Variants in STARD8 observed in about 807,000 individuals in gnomAD.
The protein encoded by STARD8 is stAR-related lipid transfer protein 8.
In STARD8, 25 loss-of-function variants were observed where a neutral mutation model predicts 69.4. The observed-to-expected ratio is 0.36, with a 90% CI of 0.26 to 0.50. STARD8 has a LOEUF of 0.50. STARD8 is among the 20% of genes least tolerant of loss of function. The pLI, the probability that STARD8 is intolerant of heterozygous loss-of-function variation, is 0.96. For synonymous variants in STARD8, 389 were observed against 374.6 expected, an observed-to-expected ratio of 1.04 and a Z score of -0.45; for missense variants, 921 against 932.5, an observed-to-expected ratio of 0.99 and a Z score of 0.16.
At position 68,724,470 on chromosome X, in the gene STARD8, A is replaced by G; in HGVS notation, c.*48A>G. The G allele has an allele frequency of 1.8e-6, 2 of 1,084,388 alleles. No individual in the cohort carries two copies. Among genetic ancestry groups the G allele is most frequent in the Non-Finnish European group, 2.5e-6 (2 of 791,525 alleles). 89.4% of individuals were successfully genotyped at this position (1,084,388 alleles called of 1,213,427 possible). A position where few individuals can be genotyped will look rare whatever the true frequency, so the allele number is the denominator to read the frequency against. On this transcript the variant is annotated 3_prime_UTR_variant, in exon 15 of 15. Coordinates refer to ENST00000374599, the MANE Select transcript of STARD8 (RefSeq NM_001142503.3). ...GCACCACCCAGGCCCCCTGGGCACC[A>G]AGGGAGCGAGGGGGAATAAGAGCAG...
At chrX:68,688,655 A>G (rs34192984) in intron 2 of STARD8, among the ~76,000 whole-genome samples, 1,666 of 111,856 alleles carry the variant, frequency 0.015, 10 homozygotes, top group African/African-American at 0.051. Flanking sequence ...AGGACTCTGG[A>G]TACCCATAGC....
At chrX:68,688,873 T>G (rs2079854153) in intron 2 of STARD8, among the ~76,000 whole-genome samples, 1 of 105,079 alleles carries the variant, frequency 9.5e-6, no homozygotes, top group Non-Finnish European at 2.0e-5. Context: ...GCCCTGTGCA[T>G]GCTGGACTTG....
intron 2 of STARD8, among the ~76,000 whole-genome samples, chrX:68,703,259 TA>T (rs1203467928): frequency 8.9e-6 from 1 of 111,775 alleles, no homozygotes; most frequent in East Asian, 2.8e-4. Flanking sequence ...GGCCTCATTT[TA>T]AAAAAAGAAA....
intron 2 of STARD8, among the ~76,000 whole-genome samples, chrX:68,684,127 C>T (rs149280482): frequency 7.2e-4 from 81 of 112,749 alleles, no homozygotes; most frequent in African/African-American, 2.6e-3. Flanking sequence ...TCTCACAGCA[C>T]CATTGTCAGC....
chrX:68,647,996 G>A, intron 1 of STARD8, 69 bp downstream of exon 1: 1 of 1,127,887 alleles, frequency 8.9e-7, no homozygotes, highest in Non-Finnish European at 1.2e-6. Flanking sequence ...GGACCACTGC[G>A]CACCAGCTGG....
intron 2 of STARD8, among the ~76,000 whole-genome samples, chrX:68,665,896 A>G (rs2079680415): frequency 8.9e-6 from 1 of 112,038 alleles, no homozygotes; most frequent in Non-Finnish European, 1.9e-5. Flanking sequence ...AGGAGAGAAA[A>G]CAGGTAAGTG....
rs140071140 is a variant in STARD8 at position 68,717,528 on chromosome X, G to A, written c.614G>A (p.Arg205His). The part of the protein sequence containing the change: ...GPQDKAKKRH[R>H]NRSFLKHLES... ...CAGGACAAAGCCAAGAAGCGCCATC[G>A]TAACCGTAGCTTCCTCAAGCACCTT... is the stretch of plus-strand genomic sequence containing the variant. Residue 205 changes from arginine to histidine, a missense_variant, in exon 6 of 15, where the codon CGT becomes CAT. Coordinates refer to ENST00000374599, the MANE Select transcript of STARD8 (RefSeq NM_001142503.3). 2.9e-4 allele frequency: 354 copies of A among 1,209,313 alleles called. 1 individual carries two copies. The highest frequency in any genetic ancestry group is 3.5e-4 in the South Asian group (20 of 56,760).
chrX:68,665,440 T>C, intron 1 of STARD8, 59 bp from the exon 2 acceptor site: 3 of 1,160,219 alleles, frequency 2.6e-6, no homozygotes, highest in Non-Finnish European at 3.5e-6. Context: ...TTAAGATCGC[T>C]TTCAGTTCAG....
rs183054865 is a variant in STARD8, at chrX:68,650,758, G to A, written c.45+2831G>A. On this transcript the variant is annotated intron_variant, in intron 1 of 14. Transcript: ENST00000374599. ...TGATCGCACCACTGCACTCCAACCT[G>A]GCCATCAGACTAAGGCTATGTCTCA... Among the ~76,000 whole-genome samples, 349 of 109,377 alleles carry A rather than the reference G, an allele frequency of 3.2e-3. 1 individual carries two copies. The highest frequency in any genetic ancestry group is 5.4e-3 in the Non-Finnish European group (284 of 52,634). 95.0% of individuals were successfully genotyped at this position (109,377 alleles called of 115,157 possible).
At chrX:68,719,550 G>A in intron 7 of STARD8, 152 bp downstream of exon 7, 1 of 588,417 alleles carries the variant, frequency 1.7e-6, no homozygotes, top group Non-Finnish European at 2.4e-6. Flanking sequence ...GGCTTGGTGA[G>A]GCTGGGTATG....
chrX:68,670,605 T>C (rs1236896544), intron 2 of STARD8, among the ~76,000 whole-genome samples: 1 of 110,855 alleles, frequency 9.0e-6, no homozygotes, highest in Non-Finnish European at 1.9e-5. Flanking sequence ...TGTAGGCCAC[T>C]CCAAATCAGG....
rs143222275 is a variant in STARD8, at chrX:68,667,780, G to A, written c.79+2248G>A. Among the ~76,000 whole-genome samples, 369 of 111,137 alleles carry A rather than the reference G, an allele frequency of 3.3e-3. 4 individuals carry two copies. Among genetic ancestry groups the A allele is most frequent in the African/African-American group, 0.012 (359 of 30,516 alleles). On this transcript the variant is annotated intron_variant, in intron 2 of 14. Coordinates refer to ENST00000374599, the MANE Select transcript of STARD8 (RefSeq NM_001142503.3). ...GGAATCTCGGGGCAGGAAATATGGG[G>A]TGGTAGAATCAGCATTCTTTTGGGA...
chrX:68,664,661 C>T (rs997103804), intron 1 of STARD8, among the ~76,000 whole-genome samples: 5 of 111,878 alleles, frequency 4.5e-5, no homozygotes, highest in African/African-American at 1.6e-4. Flanking sequence ...CACTCTCTAC[C>T]TCATCCTGTC....
chrX:68,702,728 C>G (rs1211821323), intron 2 of STARD8, among the ~76,000 whole-genome samples: 1 of 110,529 alleles, frequency 9.0e-6, no homozygotes, highest in Non-Finnish European at 1.9e-5. Context: ...GTTTCCTCCT[C>G]TGTAAAATAG....
At chrX:68,676,655 A>G (rs1465662800) in intron 2 of STARD8, among the ~76,000 whole-genome samples, 1 of 112,075 alleles carries the variant, frequency 8.9e-6, no homozygotes, top group Admixed American at 9.5e-5. Flanking sequence ...AGCATGAATC[A>G]TGCCTTGTGT....
intron 2 of STARD8, among the ~76,000 whole-genome samples, chrX:68,707,034 T>A (rs2080012519): frequency 8.9e-6 from 1 of 112,327 alleles, no homozygotes; most frequent in South Asian, 3.7e-4. Context: ...GGAACTGGGG[T>A]TGTCACATAG....
At chrX:68,665,750 A>G (rs184943403) in intron 2 of STARD8, among the ~76,000 whole-genome samples, 1 of 111,812 alleles carries the variant, frequency 8.9e-6, no homozygotes, top group Non-Finnish European at 1.9e-5. Flanking sequence ...TCTCAGCCGG[A>G]GGTTTTGCTC....
chrX:68,679,706 C>A (rs1391609658), intron 2 of STARD8, among the ~76,000 whole-genome samples: 2 of 112,248 alleles, frequency 1.8e-5, no homozygotes, highest in Non-Finnish European at 3.8e-5. Flanking sequence ...CATGGGGCCT[C>A]TCATTGCACA....
intron 2 of STARD8, among the ~76,000 whole-genome samples, chrX:68,681,331 T>C (rs1223443420): frequency 9.0e-6 from 1 of 111,402 alleles, no homozygotes; most frequent in African/African-American, 3.3e-5. Flanking sequence ...ACTTACGAAG[T>C]GCTCTCAAAT....
Sources: gnomAD v4.1 joint callset for allele counts (sites outside exome capture counted in the v4.1 genomes callset) on GRCh38, gnomAD v4.1.1 for gene constraint, MANE v1.5 for transcripts, NCBI Gene and HGNC (gene_info 2026-07-23, HGNC 2026-07-21) for gene names.